Variants in SLC14A2 observed in about 807,000 individuals in gnomAD.
SLC14A2 encodes urea transporter 2.
A neutral mutation model predicts 104.6 loss-of-function variants in SLC14A2; 91 were observed. That is an observed-to-expected ratio of 0.87 (90% CI 0.73 to 1.04). The LOEUF is 1.04. SLC14A2 is among the 50% of genes least tolerant of loss of function. The pLI is 0.00. For synonymous variants in SLC14A2, 476 were observed against 466.4 expected, an observed-to-expected ratio of 1.02 and a Z score of -0.27; for missense variants, 1,189 against 1,156.0, an observed-to-expected ratio of 1.03 and a Z score of -0.41.
chr18:45,542,034 G>GGTTTTTT (rs1568268178), intron 2 of SLC14A2, among the ~76,000 whole-genome samples: 1 of 62,534 alleles, frequency 1.6e-5, no homozygotes, highest in East Asian at 5.7e-4. Flanking sequence ...AAAGAGAGAG[G>GGTTTTTT]GTTTTTTTTT....
chr18:45,337,043 C>T (rs2085344784), intron 1 of SLC14A2, among the ~76,000 whole-genome samples: 1 of 151,638 alleles, frequency 6.6e-6, no homozygotes, highest in African/African-American at 2.4e-5. Context: ...AAAAAAAAAC[C>T]CCTTAGATTA....
chr18:45,498,403 C>T (rs946999055), intron 2 of SLC14A2, among the ~76,000 whole-genome samples: 1 of 152,212 alleles, frequency 6.6e-6, no homozygotes, highest in African/African-American at 2.4e-5. Flanking sequence ...CAGGGAAGGG[C>T]AGCGAGAAGC....
At chr18:45,394,185 A>C (rs2612570) in intron 1 of SLC14A2, among the ~76,000 whole-genome samples, 102,121 of 152,098 alleles carry the variant, frequency 0.67, 37,213 homozygotes, top group South Asian at 0.85. Context: ...GCAAAATTAA[A>C]TTCTTTCAAT....
rs200761666 is a variant in SLC14A2 at position 45,475,619 on chromosome 18, G to GATATAT, written c.-124-7601_-124-7596dup. ...ATGTTTAGGTTATATATATATTTAGGATATATATATATATATATTTAGGAT... is the reference window on the plus strand; with the variant it reads ...ATGTTTAGGTTATATATATATTTAGGATATATATATATATATATATATATTTAGGAT... On this transcript the variant is annotated intron_variant, in intron 1 of 20. Coordinates refer to the SLC14A2 transcript ENST00000586448. Among the ~76,000 whole-genome samples, 391 of 68,122 alleles carry GATATAT rather than the reference G, an allele frequency of 5.7e-3. 14 individuals carry two copies. The highest frequency in any genetic ancestry group is 9.5e-3 in the Non-Finnish European group (327 of 34,550). The allele number at this position is 68,122 out of a possible 152,430, so 44.7% of individuals were successfully genotyped here. A position where few individuals can be genotyped will look rare whatever the true frequency, so the allele number is the denominator to read the frequency against.
rs114518223 is a variant in SLC14A2 at position 45,610,451 on chromosome 18, G to A, written c.-34-14180G>A. On this transcript the variant is annotated intron_variant, in intron 2 of 20. Transcript: ENST00000586448. ...GTCAGAATCTCTGGGGAAGGGACCC[G>A]GTCATCAGCATTTTTTAAAGTCCCT... 7.4e-3 allele frequency among the ~76,000 whole-genome samples: 1,120 copies of A among 152,204 alleles called. 14 individuals are homozygous for A. The highest frequency in any genetic ancestry group is 0.025 in the African/African-American group (1,042 of 41,522).
intron 1 of SLC14A2, among the ~76,000 whole-genome samples, chr18:45,231,195 T>A (rs2084171041): frequency 6.6e-6 from 1 of 150,850 alleles, no homozygotes; most frequent in Admixed American, 6.6e-5. Flanking sequence ...ATACTTTTTT[T>A]ATTTTTTATT....
intron 16 of SLC14A2, among the ~76,000 whole-genome samples, chr18:45,669,990 T>A (rs1398126525): frequency 6.6e-6 from 1 of 152,218 alleles, no homozygotes; most frequent in Non-Finnish European, 1.5e-5. Flanking sequence ...AAGCTGGGCC[T>A]GGTGGCACAT....
At chr18:45,567,649 A>ACTC in intron 2 of SLC14A2, among the ~76,000 whole-genome samples, 1 of 151,862 alleles carries the variant, frequency 6.6e-6, no homozygotes, top group East Asian at 1.9e-4. Flanking sequence ...GGAAGGCAGA[A>ACTC]CTCCTGGTCT....
intron 1 of SLC14A2, among the ~76,000 whole-genome samples, chr18:45,406,400 G>A (rs1284059820): frequency 6.6e-6 from 1 of 152,186 alleles, no homozygotes; most frequent in East Asian, 1.9e-4. Flanking sequence ...TACCACATCT[G>A]CAGTAACTTC....
chr18:45,335,364 G>T (rs752457759), intron 1 of SLC14A2, among the ~76,000 whole-genome samples: 1 of 152,180 alleles, frequency 6.6e-6, no homozygotes, highest in South Asian at 2.1e-4. Flanking sequence ...ATACATCTAA[G>T]TTGTTGTATG....
intron 1 of SLC14A2, among the ~76,000 whole-genome samples, chr18:45,399,152 C>T (rs550742754): frequency 6.6e-6 from 1 of 152,326 alleles, no homozygotes; most frequent in East Asian, 1.9e-4. Context: ...GGTTAAGAAA[C>T]TAACGCATGT....
At chr18:45,350,564 C>T (rs2085492884) in intron 1 of SLC14A2, among the ~76,000 whole-genome samples, 1 of 152,076 alleles carries the variant, frequency 6.6e-6, no homozygotes, top group Non-Finnish European at 1.5e-5. Flanking sequence ...GGGTGTGTGG[C>T]TGGACTAGTT....
intron 2 of SLC14A2, among the ~76,000 whole-genome samples, chr18:45,544,556 C>G (rs1439250055): frequency 6.6e-6 from 1 of 152,116 alleles, no homozygotes; most frequent in East Asian, 1.9e-4. Context: ...TTATTTTAAA[C>G]ATTTAGAAAA....
At chr18:45,678,905 T>C in intron 18 of SLC14A2, 70 bp from the exon 19 acceptor site, 5 of 1,380,008 alleles carry the variant, frequency 3.6e-6, no homozygotes, top group Non-Finnish European at 5.0e-6. Flanking sequence ...GAAGAGAATA[T>C]GTAGAGCAAT....
At chr18:45,226,599 C>T (rs2084120121) in intron 1 of SLC14A2, among the ~76,000 whole-genome samples, 1 of 144,154 alleles carries the variant, frequency 6.9e-6, no homozygotes, top group African/African-American at 2.6e-5. Flanking sequence ...TGTTCTCACT[C>T]ATAGGTGGGA....
At chr18:45,637,890 C>T (rs948755384) in intron 6 of SLC14A2, among the ~76,000 whole-genome samples, 3 of 152,210 alleles carry the variant, frequency 2.0e-5, no homozygotes, top group African/African-American at 7.2e-5. Context: ...GCACACCTGA[C>T]TGCCCTTCAC....
chr18:45,247,834 A>C (rs1188123866), intron 1 of SLC14A2, among the ~76,000 whole-genome samples: 1 of 152,082 alleles, frequency 6.6e-6, no homozygotes, highest in East Asian at 1.9e-4. Context: ...TCTCATGACC[A>C]AAGAAGCTCA....
intron 1 of SLC14A2, among the ~76,000 whole-genome samples, chr18:45,384,456 A>G (rs1016637491): frequency 2.0e-5 from 3 of 152,194 alleles, no homozygotes; most frequent in Non-Finnish European, 4.4e-5. Flanking sequence ...CTCAGTAGGA[A>G]TAAGCCCACC....
chr18:45,206,129 C>T, the SLC14A2 span, among the ~76,000 whole-genome samples: 7 of 152,206 alleles, frequency 4.6e-5, no homozygotes, highest in African/African-American at 1.7e-4. Flanking sequence ...TTGATCTTTA[C>T]ACTGAAATTT....
Sources: gnomAD v4.1 joint callset for allele counts (sites outside exome capture counted in the v4.1 genomes callset) on GRCh38, gnomAD v4.1.1 for gene constraint, MANE v1.5 for transcripts, NCBI Gene and HGNC (gene_info 2026-07-23, HGNC 2026-07-21) for gene names.